Variants in TENM2 observed in about 807,000 individuals in gnomAD.
The protein encoded by TENM2 is teneurin-2.
Under a neutral mutation model 245.2 loss-of-function variants are expected in TENM2, and 52 were observed. That is an observed-to-expected ratio of 0.21 (90% confidence interval 0.17 to 0.27). The LOEUF is 0.27. Ranked by LOEUF, TENM2 falls within the 10% of genes least tolerant of loss-of-function variation. The pLI, the probability that TENM2 is intolerant of heterozygous loss-of-function variation, is 1.00. For synonymous variants in TENM2, 1,363 were observed against 1,438.9 expected (o/e 0.95, Z 1.19); for missense variants, 3,046 against 3,666.8 (o/e 0.83, Z 4.37).
At chr5:167,375,174 G>A (rs1354723956) in intron 1 of TENM2, 24 bp from the exon 4 acceptor site, 2 of 1,543,690 alleles carry the variant, frequency 1.3e-6, no homozygotes, top group Non-Finnish European at 1.7e-6. Flanking sequence ...ATTTTAATCA[G>A]CTTCTCTGTC....
intron 2 of TENM2, among the ~76,000 whole-genome samples, chr5:167,463,445 T>G (rs1766447462): frequency 6.6e-6 from 1 of 152,210 alleles, no homozygotes; most frequent in African/African-American, 2.4e-5. Flanking sequence ...AAGTTATGTC[T>G]TTTCAGCAAT....
At chr5:168,219,518 A>G (rs1371902592) in intron 23 of TENM2, among the ~76,000 whole-genome samples, 1 of 152,110 alleles carries the variant, frequency 6.6e-6, no homozygotes, top group Non-Finnish European at 1.5e-5. Flanking sequence ...TCCCCTAACA[A>G]TTATCTCATA....
At chr5:168,108,443 T>C (rs1225597108) in intron 9 of TENM2, among the ~76,000 whole-genome samples, 1 of 152,180 alleles carries the variant, frequency 6.6e-6, no homozygotes, top group African/African-American at 2.4e-5. Context: ...ACAACAGCCA[T>C]ATTACCTATT....
At chr5:167,396,372 C>T (rs553699333) in intron 2 of TENM2, among the ~76,000 whole-genome samples, 9 of 152,224 alleles carry the variant, frequency 5.9e-5, no homozygotes, top group South Asian at 2.1e-4. Context: ...AGAACATATA[C>T]AGCATGCATT....
intron 9 of TENM2, among the ~76,000 whole-genome samples, chr5:168,110,536 C>T (rs1794598605): frequency 1.3e-5 from 2 of 152,280 alleles, no homozygotes; most frequent in East Asian, 1.9e-4. Flanking sequence ...GTCTAACTCC[C>T]GTAAGCCTAC....
the TENM2 span, among the ~76,000 whole-genome samples, chr5:167,000,684 A>G: frequency 6.6e-6 from 1 of 152,148 alleles, no homozygotes; most frequent in Non-Finnish European, 1.5e-5. Flanking sequence ...ATCTAAAACC[A>G]TGTTTTTACA....
At chr5:168,090,223 C>CAT (rs1347420777) in intron 7 of TENM2, among the ~76,000 whole-genome samples, 1 of 92,948 alleles carries the variant, frequency 1.1e-5, no homozygotes, top group South Asian at 4.5e-4. Context: ...CCCCACCACA[C>CAT]ACACACACAC....
At chr5:167,983,651 T>A (rs575517591) in intron 4 of TENM2, among the ~76,000 whole-genome samples, 5 of 152,228 alleles carry the variant, frequency 3.3e-5, no homozygotes, top group Admixed American at 1.3e-4. Context: ...CTACACTAAT[T>A]GGGTTATTGG....
At chr5:168,153,792 A>G (rs1167374874) in intron 12 of TENM2, among the ~76,000 whole-genome samples, 1 of 152,178 alleles carries the variant, frequency 6.6e-6, no homozygotes, top group Non-Finnish European at 1.5e-5. Flanking sequence ...GTGTATGTCT[A>G]ACAAGTTCCC....
intron 2 of TENM2, among the ~76,000 whole-genome samples, chr5:167,623,335 T>C (rs745329246): frequency 5.9e-5 from 9 of 152,168 alleles, no homozygotes; most frequent in Non-Finnish European, 1.2e-4. Flanking sequence ...CCGAATTCTC[T>C]TTTCCCAATT....
chr5:167,960,201 C>T (rs1780894043), intron 4 of TENM2, among the ~76,000 whole-genome samples: 2 of 152,194 alleles, frequency 1.3e-5, no homozygotes, highest in African/African-American at 4.8e-5. Flanking sequence ...GCAGTCTTTC[C>T]CTTAGCAGAG....
chr5:167,496,022 G>A (rs1485996210), intron 2 of TENM2, among the ~76,000 whole-genome samples: 1 of 151,932 alleles, frequency 6.6e-6, no homozygotes, highest in Non-Finnish European at 1.5e-5. Context: ...AATTCCTAGT[G>A]CAAGCAAAGG....
chr5:167,831,480 C>A (rs1359434197), intron 2 of TENM2, among the ~76,000 whole-genome samples: 1 of 119,414 alleles, frequency 8.4e-6, no homozygotes, highest in Admixed American at 1.2e-4. Context: ...CAAAAGAGTT[C>A]AGCACTTTTT....
At chr5:167,323,529 T>C (rs1484485099) in intron 1 of TENM2, among the ~76,000 whole-genome samples, 2 of 152,182 alleles carry the variant, frequency 1.3e-5, no homozygotes, top group East Asian at 3.9e-4. Context: ...AGTTTTTTGT[T>C]ATATTTTTTT....
At chr5:167,760,902 T>C (rs544741797) in intron 2 of TENM2, among the ~76,000 whole-genome samples, 19 of 146,752 alleles carry the variant, frequency 1.3e-4, no homozygotes, top group African/African-American at 4.7e-4. Context: ...CCGCCCACCT[T>C]GGCCTCCCAA....
chr5:168,104,551 G>C (rs1794091658), intron 9 of TENM2, among the ~76,000 whole-genome samples: 1 of 152,144 alleles, frequency 6.6e-6, no homozygotes. Context: ...CAAGCGACCG[G>C]GTATGTGTCC....
intron 1 of TENM2, among the ~76,000 whole-genome samples, chr5:167,318,743 A>C (rs563301030): frequency 1.3e-5 from 2 of 152,190 alleles, no homozygotes; most frequent in South Asian, 4.1e-4. Flanking sequence ...CCAGTTAGAA[A>C]TATAGGTTCC....
chr5:167,328,880 G>A (rs575734917), intron 1 of TENM2, among the ~76,000 whole-genome samples: 2 of 152,088 alleles, frequency 1.3e-5, no homozygotes, highest in South Asian at 4.2e-4. Context: ...TATATATTTT[G>A]TTTAGTTTTA....
At chr5:167,034,373 G>GTA in the TENM2 span, among the ~76,000 whole-genome samples, 9 of 152,128 alleles carry the variant, frequency 5.9e-5, no homozygotes, top group Admixed American at 2.6e-4. Flanking sequence ...GCTCACGCCT[G>GTA]TAATCCCAGC....
Sources: gnomAD v4.1 joint callset for allele counts (sites outside exome capture counted in the v4.1 genomes callset) on GRCh38, gnomAD v4.1.1 for gene constraint, MANE v1.5 for transcripts, NCBI Gene and HGNC (gene_info 2026-07-23, HGNC 2026-07-21) for gene names.